Variants in TXLNA observed in about 807,000 individuals in gnomAD.
The protein encoded by TXLNA is alpha-taxilin.
Under a neutral mutation model 61.4 loss-of-function variants are expected in TXLNA, and 9 were observed. The observed-to-expected ratio is 0.15, with a 90% CI of 0.09 to 0.26. TXLNA has a LOEUF of 0.26. Ranked by LOEUF, TXLNA falls within the 10% of genes least tolerant of loss-of-function variation. TXLNA has a pLI of 1.00. For synonymous variants in TXLNA, 257 were observed against 267.7 expected (o/e 0.96, Z 0.39); for missense variants, 565 against 688.8 (o/e 0.82, Z 2.01).
chr1:32,180,321 T>C lies in TXLNA; in HGVS notation c.-25T>C. ...CTGTGTTTGTTTCTAAAGGATCTTC[T>C]CCTGACCCAGCATCGCTCATCACAA... On this transcript the variant is annotated 5_prime_UTR_variant, in exon 2 of 11. Transcript: ENST00000373610. 6.3e-7 allele frequency: 1 copy of C among 1,588,566 alleles called. No individual in the cohort carries two copies. The highest frequency in any genetic ancestry group is 8.5e-7 in the Non-Finnish European group (1 of 1,169,920).
At chr1:32,180,174 A>T in intron 1 of TXLNA, 140 bp from the exon 2 acceptor site, 1 of 852,788 alleles carries the variant, frequency 1.2e-6, no homozygotes, top group Non-Finnish European at 1.7e-6. Flanking sequence ...CGCCAAGACC[A>T]GAGAGCCGTT....
In TXLNA at chr1:32,193,196, T is replaced by A. The variant is rs200411263; in HGVS notation, c.1159-12T>A. 4.7e-5 allele frequency: 75 copies of A among 1,607,382 alleles called. No homozygotes were observed. In the Admixed American group the frequency reaches 1.2e-3, roughly 26 times the overall value. On this transcript the variant is annotated splice_polypyrimidine_tract_variant and intron_variant, in intron 8 of 10. Transcript: ENST00000373610. The stretch of plus-strand genomic sequence containing the variant: ...AACCCAGTCTTATCTGTGGGCTGCT[T>A]TCTCCCCACAGCTTGCCCTATACAC...
At position 32,192,356 on chromosome 1, in the gene TXLNA, G is replaced by A. The variant is rs760826645; in HGVS notation, c.1009G>A (p.Val337Met). 6.2e-7 allele frequency: 1 copy of A among 1,614,256 alleles called. No homozygotes were observed. The highest frequency in any genetic ancestry group is 1.1e-5 in the South Asian group (1 of 91,084). ...ACACAAGGACCTACAACAGCAGCTG[G>A]TGGATGCCAAGCTCCAGCAGGCCCA... ...FKHKDLQQQL[V>M]DAKLQQAQEM... Residue 337 changes from valine (V) to methionine (M), a missense_variant, in exon 7 of 11, where the codon GTG (valine) becomes ATG (methionine). Coordinates refer to ENST00000373610, the MANE Select transcript of TXLNA (RefSeq NM_175852.4). The surrounding 1 kb of genome is among the most constrained non-coding windows in gnomAD (Gnocchi z 4.2).
In TXLNA at chr1:32,193,962, A is replaced by G; in HGVS notation, c.1252-103A>G. ...TGTAATGCCTTGCGCCTTGGGATCA[A>G]TCATTCCCCACCTTGGAGACACAGG... On this transcript the variant is annotated intron_variant, in intron 9 of 10. Coordinates refer to ENST00000373610, the MANE Select transcript of TXLNA (RefSeq NM_175852.4). 3.3e-6 allele frequency: 3 copies of G among 907,976 alleles called. No homozygotes were observed. In the South Asian group the frequency reaches 4.7e-5, roughly 14 times the overall value. The allele number at this position is 907,976 out of a possible 1,614,324, so 56.2% of individuals were successfully genotyped here.
rs1270985481 is a variant in TXLNA at position 32,181,346 on chromosome 1, CA to C, written c.275del (p.Gln92ArgfsTer37). On this transcript the variant is annotated frameshift_variant, in exon 3 of 11. Transcript: ENST00000373610. LOFTEE classifies it high-confidence loss of function. ...ILSTYCVDNN[Q>X]GGPGEDGAQG... ...GAGCACATACTGTGTGGACAATAAC[CA>C]GGGGGGCCCCGGCGAGGATGGGGCA... 2 of 1,614,154 alleles carry C rather than the reference CA, an allele frequency of 1.2e-6. No individual in the cohort carries two copies. Among genetic ancestry groups the C allele is most frequent in the East Asian group, 2.2e-5 (1 of 44,884 alleles).
At chr1:32,189,808 T>TG (rs1321529817) in intron 5 of TXLNA, among the ~76,000 whole-genome samples, 3 of 152,114 alleles carry the variant, frequency 2.0e-5, no homozygotes, top group African/African-American at 7.2e-5. Flanking sequence ...CCCAAAGTGC[T>TG]GGGATTACAG....
intron 3 of TXLNA, 41 bp downstream of exon 3, chr1:32,181,618 G>T: frequency 6.8e-7 from 1 of 1,473,596 alleles, no homozygotes; most frequent in Non-Finnish European, 9.0e-7. Context: ...GTGAGGAGAG[G>T]GAGTTTGGAC....
rs1401282126 is a variant in TXLNA, at chr1:32,192,468, G to A, written c.1083+38G>A. ...CCCCAGGGTTGGGGTGGGGGTGGGA[G>A]GAGACAGGCTGGGCTCTGGCTCAGC... On this transcript the variant is annotated intron_variant, in intron 7 of 10. Transcript: ENST00000373610. This position sits in a 1 kb window ranked among gnomAD's most constrained non-coding sequence, Gnocchi z 4.2. 2 of 1,610,416 alleles carry A rather than the reference G, an allele frequency of 1.2e-6. No homozygotes were observed. Among genetic ancestry groups the A allele is most frequent in the Non-Finnish European group, 1.7e-6 (2 of 1,177,180 alleles).
At chr1:32,189,820 C>T (rs1277392145) in intron 5 of TXLNA, among the ~76,000 whole-genome samples, 2 of 151,998 alleles carry the variant, frequency 1.3e-5, no homozygotes, top group Non-Finnish European at 2.9e-5. Flanking sequence ...GGATTACAGG[C>T]GTGAGCCACC....
chr1:32,193,320 G>A lies in TXLNA; in HGVS notation c.1251+20G>A. ...GAAAAGGTAACTGTGGTCCAGGCCA[G>A]GCATGGCTGCTGGGGCATAAGCTGC... On this transcript the variant is annotated intron_variant, in intron 9 of 10. Coordinates refer to ENST00000373610, the MANE Select transcript of TXLNA (RefSeq NM_175852.4). The A allele has an allele frequency of 6.3e-7, 1 of 1,580,192 alleles. No homozygotes were observed. The highest frequency in any genetic ancestry group is 8.7e-7 in the Non-Finnish European group (1 of 1,149,340).
intron 3 of TXLNA, among the ~76,000 whole-genome samples, chr1:32,182,451 C>T (rs1642685281): frequency 6.6e-6 from 1 of 151,524 alleles, no homozygotes; most frequent in Non-Finnish European, 1.5e-5. Context: ...ACCTGAGGGT[C>T]AGGAGTTCGA....
intron 10 of TXLNA, 47 bp downstream of exon 10, chr1:32,194,207 G>T: frequency 2.7e-6 from 4 of 1,475,034 alleles, no homozygotes; most frequent in Non-Finnish European, 3.8e-6. Flanking sequence ...TGCACTTAGC[G>T]CATATCAGGC....
In TXLNA at chr1:32,195,197, G is replaced by C. The variant is rs778298506; in HGVS notation, c.*2G>C. On this transcript the variant is annotated 3_prime_UTR_variant, in exon 11 of 11. Transcript: ENST00000373610. Reference sequence around the variant, plus strand: ...GAGCCCACCTCCGCCAGGGCCTAGAGAGCCTGGTGTTGGGTCATGCTGGGA... The same window carrying C: ...GAGCCCACCTCCGCCAGGGCCTAGACAGCCTGGTGTTGGGTCATGCTGGGA... 1 of 1,582,550 alleles carries C rather than the reference G, an allele frequency of 6.3e-7. No homozygotes were observed. The highest frequency in any genetic ancestry group is 8.6e-7 in the Non-Finnish European group (1 of 1,165,984).
chr1:32,181,549 A>C lies in TXLNA; in HGVS notation c.477A>C (p.Pro159=), dbSNP rs530562335. ...DEVGDRDHRR[P]QEKKKAKGLG... ...TCGGAGACCGAGACCATCGAAGGCC[A>C]CAGGAGAAGAAAAAAGCCAAGGGTT... Residue 159 remains proline, a synonymous_variant, in exon 3 of 11, where the codon CCA becomes CCC. Coordinates refer to ENST00000373610, the MANE Select transcript of TXLNA (RefSeq NM_175852.4). The C allele has an allele frequency of 1.3e-4, 195 of 1,556,740 alleles. 3 individuals carry two copies. The South Asian group carries it at 2.2e-3, about 18-fold the overall frequency.
chr1:32,195,274 C>T lies in TXLNA; in HGVS notation c.*79C>T. ...GCCCATAAAAGGCTCCCATGCTGAG[C>T]AGCCCATTGCTGAAGCCAGGATGTT... On this transcript the variant is annotated 3_prime_UTR_variant, in exon 11 of 11. Transcript: ENST00000373610. The T allele has an allele frequency of 1.4e-6, 2 of 1,445,148 alleles. No homozygotes were observed. The highest frequency in any genetic ancestry group is 1.8e-6 in the Non-Finnish European group (2 of 1,083,238). 89.5% of individuals were successfully genotyped at this position (1,445,148 alleles called of 1,614,324 possible). A position where few individuals can be genotyped will look rare whatever the true frequency, so the allele number is the denominator to read the frequency against.
At position 32,195,126 on chromosome 1, in the gene TXLNA, C is replaced by T. The variant is rs770292856; in HGVS notation, c.1572C>T (p.Tyr524=). The change falls in exon 11 of 11, where the codon TAC becomes TAT. Residue 524 remains tyrosine (Y), a synonymous_variant. Coordinates refer to ENST00000373610, the MANE Select transcript of TXLNA (RefSeq NM_175852.4). ...CCAGGGTCACAGAAGCGCCTTGCTA[C>T]CCAGGAGCACCGAGCACAGAAGCAT... The part of the protein sequence containing the change: ...SSPRVTEAPC[Y]PGAPSTEASG... 21 of 1,613,928 alleles carry T rather than the reference C, an allele frequency of 1.3e-5. No homozygotes were observed. Among genetic ancestry groups the T allele is most frequent in the Non-Finnish European group, 1.8e-5 (21 of 1,179,894 alleles).
At chr1:32,189,238 G>A (rs1358555844) in intron 5 of TXLNA, among the ~76,000 whole-genome samples, 4 of 152,160 alleles carry the variant, frequency 2.6e-5, no homozygotes. Context: ...TGTAGGATAA[G>A]TCATGGAATT....
chr1:32,185,386 G>GTATTTATT (rs58376932), intron 4 of TXLNA, among the ~76,000 whole-genome samples: 33 of 147,650 alleles, frequency 2.2e-4, no homozygotes, highest in East Asian at 1.6e-3. Flanking sequence ...ATGTATGTAT[G>GTATTTATT]TATTTATTTA....
At chr1:32,180,066 T>C in intron 1 of TXLNA, 1 of 291,746 alleles carries the variant, frequency 3.4e-6, no homozygotes, top group Non-Finnish European at 6.4e-6. Context: ...GGGCCGGTTG[T>C]GCCGGGAAGT....
Sources: gnomAD v4.1 joint callset for allele counts (sites outside exome capture counted in the v4.1 genomes callset) on GRCh38, gnomAD v4.1.1 for gene constraint, Gnocchi (gnomAD v3.1) non-coding constraint, MANE v1.5 for transcripts, NCBI Gene and HGNC (gene_info 2026-07-23, HGNC 2026-07-21) for gene names.